GDPD4: variants seen among roughly 807,000 people sequenced by gnomAD.
GDPD4 encodes the protein glycerophosphodiester phosphodiesterase 6.
GDPD4 carries 60 observed loss-of-function variants against 67.8 expected under a neutral mutation model. The ratio of observed to expected loss-of-function variants is 0.88; its 90% CI spans 0.72 to 1.10. The LOEUF (loss-of-function observed/expected upper bound fraction) is 1.10. Among genes scored for constraint, GDPD4 ranks in the 50% least tolerant of loss-of-function variants. GDPD4 has a pLI of 0.00. For missense variants in GDPD4, 623 were observed against 613.9 expected (o/e 1.01, Z -0.16); for synonymous variants, 212 against 210.9 (o/e 1.00, Z -0.04).
At chr11:77,243,613 G>A in intron 13 of GDPD4, 81 bp downstream of exon 13, 5 of 1,184,226 alleles carry the variant, frequency 4.2e-6, no homozygotes, top group Non-Finnish European at 6.2e-6. Flanking sequence ...ATGGAAAGGG[G>A]AAGTTAAGAA....
At chr11:77,269,100 G>A (rs778458458) in intron 8 of GDPD4, 31 bp from the exon 9 acceptor site, 1 of 1,603,110 alleles carries the variant, frequency 6.2e-7, no homozygotes, top group Non-Finnish European at 8.5e-7. Context: ...GGGAAGTGGG[G>A]GAAAAAGAGA....
intron 12 of GDPD4, among the ~76,000 whole-genome samples, chr11:77,244,782 T>C (rs1190210497): frequency 2.0e-5 from 3 of 152,188 alleles, no homozygotes; most frequent in Admixed American, 2.0e-4. Context: ...TTATAATTGT[T>C]TCACTCACAG....
chr11:77,227,579 C>A (rs1017621025), intron 16 of GDPD4, among the ~76,000 whole-genome samples: 1 of 152,226 alleles, frequency 6.6e-6, no homozygotes, highest in Non-Finnish European at 1.5e-5. Flanking sequence ...AGTGTGGACT[C>A]AGTGGCTGTA....
intron 11 of GDPD4, among the ~76,000 whole-genome samples, chr11:77,257,555 ACAC>A (rs1959026607): frequency 2.6e-3 from 52 of 20,054 alleles, no homozygotes; most frequent in Non-Finnish European, 4.0e-3. Context: ...CCTCTCCTAC[ACAC>A]ACACACACAC....
chr11:77,244,234 C>T (rs1397135853), intron 12 of GDPD4, among the ~76,000 whole-genome samples: 2 of 152,092 alleles, frequency 1.3e-5, no homozygotes, highest in African/African-American at 4.8e-5. Context: ...GGTGTTCCAC[C>T]GTATTAGCCA....
intron 16 of GDPD4, among the ~76,000 whole-genome samples, chr11:77,221,853 T>C (rs901934998): frequency 3.3e-5 from 1 of 30,322 alleles, no homozygotes; most frequent in Non-Finnish European, 9.5e-5. Context: ...CCCATTATTA[T>C]TGTGTTGGAG....
intron 14 of GDPD4, 49 bp downstream of exon 14, chr11:77,232,976 C>T (rs753777178): frequency 5.5e-5 from 87 of 1,592,650 alleles, no homozygotes; most frequent in Non-Finnish European, 7.2e-5. Flanking sequence ...GGGGGGCCTG[C>T]ACTGCTATCA....
chr11:77,267,907 ATTTTTTTTC>A (rs1459043783), intron 10 of GDPD4, among the ~76,000 whole-genome samples: 1 of 151,486 alleles, frequency 6.6e-6, no homozygotes, highest in Non-Finnish European at 1.5e-5. Context: ...GAGCACACAA[ATTTTTTTTC>A]TTTTTTTTCC....
chr11:77,243,018 A>C (rs1032551202), intron 13 of GDPD4, among the ~76,000 whole-genome samples: 5 of 152,128 alleles, frequency 3.3e-5, no homozygotes, highest in African/African-American at 1.2e-4. Context: ...TCCCCAAGGA[A>C]GACTTTGTCT....
At chr11:77,281,110 C>T (rs1230270737) in intron 3 of GDPD4, among the ~76,000 whole-genome samples, 1 of 152,146 alleles carries the variant, frequency 6.6e-6, no homozygotes, top group East Asian at 1.9e-4. Context: ...GGATGTAGGC[C>T]TACTCACTCA....
chr11:77,225,118 C>G (rs1394055845), intron 16 of GDPD4, among the ~76,000 whole-genome samples: 1 of 151,292 alleles, frequency 6.6e-6, no homozygotes, highest in Non-Finnish European at 1.5e-5. Flanking sequence ...ACAAGCAAAA[C>G]AAAAAACTAG....
intron 16 of GDPD4, among the ~76,000 whole-genome samples, chr11:77,224,772 C>CTAGGTTTGGAGTAATTTTTT (rs1285018362): frequency 8.5e-5 from 13 of 152,062 alleles, no homozygotes; most frequent in Admixed American, 3.9e-4. Context: ...TGTTAAGCTG[C>CTAGGTTTGGAGTAATTTTTT]TAGGTTTGGA....
chr11:77,264,325 G>A (rs1293882213), intron 10 of GDPD4, among the ~76,000 whole-genome samples: 1 of 152,072 alleles, frequency 6.6e-6, no homozygotes, highest in Non-Finnish European at 1.5e-5. Context: ...GAACAACATA[G>A]CTGCAATTTT....
chr11:77,278,177 C>T (rs887744797), intron 4 of GDPD4, among the ~76,000 whole-genome samples: 7 of 152,098 alleles, frequency 4.6e-5, no homozygotes, highest in Non-Finnish European at 7.4e-5. Context: ...AGGATGGTCT[C>T]GATCTCCTGA....
chr11:77,269,054 A>G lies in GDPD4; in HGVS notation c.494T>C (p.Val165Ala). Residue 165 changes from valine (V) to alanine (A), a missense_variant, in exon 9 of 17, where the codon GTT (valine) becomes GCT (alanine). Coordinates refer to ENST00000315938, the MANE Select transcript of GDPD4 (RefSeq NM_182833.3). Reference protein sequence around the residue: ...ITRLRGLQVPVGLPFLLILLG... With the variant: ...ITRLRGLQVPAGLPFLLILLG... The stretch of plus-strand genomic sequence containing the variant: ...AAGGATAAGAAGAAAGGGTAATCCA[A>G]CAGGCACTTGTAGACCTGAAAAATT... 1 of 1,613,808 alleles carries G rather than the reference A, an allele frequency of 6.2e-7. No individual in the cohort carries two copies.
intron 16 of GDPD4, among the ~76,000 whole-genome samples, chr11:77,219,195 A>C (rs1337308268): frequency 1.3e-5 from 2 of 152,192 alleles, no homozygotes; most frequent in East Asian, 1.9e-4. Context: ...TCTTCTTTTG[A>C]GAAGTGTCTG....
At chr11:77,282,998 C>T (rs973781614) in intron 3 of GDPD4, among the ~76,000 whole-genome samples, 2 of 152,174 alleles carry the variant, frequency 1.3e-5, no homozygotes, top group African/African-American at 4.8e-5. Context: ...AAGTTAAAAA[C>T]ATATGAAGAA....
Position 77,271,400 on chromosome 11 carries a change from A to T in GDPD4, c.208-7T>A, listed in dbSNP as rs1225918573. The T allele has an allele frequency of 1.3e-6, 2 of 1,571,884 alleles. No homozygotes were observed. ...TCACTAGCAGAATCAGGATCTAGGG[A>T]AACAGAAAAAAAATCTCCTGACTTC... On this transcript the variant is annotated splice_polypyrimidine_tract_variant and splice_region_variant and intron_variant, in intron 5 of 16. Transcript: ENST00000315938.
At chr11:77,246,772 C>T (rs1223854055) in intron 11 of GDPD4, among the ~76,000 whole-genome samples, 3 of 152,018 alleles carry the variant, frequency 2.0e-5, no homozygotes, top group Non-Finnish European at 4.4e-5. Context: ...AGTGTAACTC[C>T]CTCTTGGTGG....
Sources: allele counts gnomAD v4.1 joint callset (sites outside exome capture counted in the v4.1 genomes callset), GRCh38; gene constraint gnomAD v4.1.1; transcripts MANE v1.5; gene names NCBI Gene and HGNC (gene_info 2026-07-23, HGNC 2026-07-21).